LRRC7: variants seen among roughly 807,000 people sequenced by gnomAD.
LRRC7 encodes leucine rich repeat containing 7, also known as leucine-rich repeat-containing protein 7.
In LRRC7, 23 loss-of-function variants were observed where a neutral mutation model predicts 175.7. The observed-to-expected ratio is 0.13, with a 90% confidence interval of 0.09 to 0.19. The LOEUF (loss-of-function observed/expected upper bound fraction) is 0.19, where lower values mean the gene tolerates loss of function less well. Among genes scored for constraint, LRRC7 ranks in the 10% least tolerant of loss-of-function variants. The pLI, the probability that LRRC7 is intolerant of heterozygous loss-of-function variation, is 1.00. For synonymous variants in LRRC7, 685 were observed against 680.9 expected, an observed-to-expected ratio of 1.01 and a Z score of -0.09; for missense variants, 1,354 against 1,904.7, an observed-to-expected ratio of 0.71 and a Z score of 5.38.
intron 1 of LRRC7, among the ~76,000 whole-genome samples, chr1:69,579,788 TAGA>T (rs1346721502): frequency 7.2e-6 from 1 of 139,496 alleles, no homozygotes; most frequent in Non-Finnish European, 1.5e-5. Flanking sequence ...CTCTTTTGAA[TAGA>T]AGCTTTTTTT....
intron 7 of LRRC7, among the ~76,000 whole-genome samples, chr1:69,914,603 A>G (rs948245407): frequency 6.6e-6 from 1 of 152,190 alleles, no homozygotes; most frequent in Admixed American, 6.6e-5. Flanking sequence ...ATAAATAGTT[A>G]TCTAGTGACA....
chr1:69,862,195 C>T (rs371411748), intron 7 of LRRC7, among the ~76,000 whole-genome samples: 4 of 152,014 alleles, frequency 2.6e-5, no homozygotes, highest in South Asian at 2.1e-4. Context: ...CCATCTATGG[C>T]GCAAGATAAT....
At chr1:69,685,472 T>C (rs1661024550) in intron 2 of LRRC7, among the ~76,000 whole-genome samples, 1 of 151,926 alleles carries the variant, frequency 6.6e-6, no homozygotes, top group African/African-American at 2.4e-5. Flanking sequence ...GAGACAATTA[T>C]ATAATCTCTT....
chr1:69,831,091 G>A (rs1469732808), intron 5 of LRRC7, among the ~76,000 whole-genome samples: 1 of 151,862 alleles, frequency 6.6e-6, no homozygotes, highest in East Asian at 1.9e-4. Flanking sequence ...AGTAGACTGA[G>A]AGAAGCTGCA....
rs1276975767 is a variant in LRRC7, at chr1:70,039,055, A to G, written c.3231A>G (p.Ser1077=). 6.8e-6 allele frequency: 11 copies of G among 1,614,150 alleles called. No homozygotes were observed. The highest frequency in any genetic ancestry group is 9.3e-6 in the Non-Finnish European group (11 of 1,180,016). The change falls in exon 21 of 27, where the codon TCA becomes TCG. Residue 1077 remains serine, a synonymous_variant. Transcript: ENST00000651989. ...ACCAAAGCTTCAATCCTCAAGGATCAGTGGAAGTGAAAGCCGAAAAGAGGA... is the reference window on the plus strand; with the variant it reads ...ACCAAAGCTTCAATCCTCAAGGATCGGTGGAAGTGAAAGCCGAAAAGAGGA... The part of the protein sequence containing the change: ...QFDQSFNPQG[S]VEVKAEKRIP...
chr1:70,049,260 T>C (rs1305354048), intron 22 of LRRC7, among the ~76,000 whole-genome samples: 2 of 152,112 alleles, frequency 1.3e-5, no homozygotes, highest in Non-Finnish European at 2.9e-5. Flanking sequence ...GATTTTGAGT[T>C]AGAGAAATTT....
intron 7 of LRRC7, among the ~76,000 whole-genome samples, chr1:69,925,513 C>T (rs1647038841): frequency 6.6e-6 from 1 of 151,964 alleles, no homozygotes; most frequent in African/African-American, 2.4e-5. Context: ...TCAACTTCTT[C>T]CTGGTTTAGT....
At chr1:69,868,701 C>T (rs1422065164) in intron 7 of LRRC7, among the ~76,000 whole-genome samples, 1 of 152,006 alleles carries the variant, frequency 6.6e-6, no homozygotes, top group Non-Finnish European at 1.5e-5. Context: ...GCTAGGACTG[C>T]CATAACAAAG....
At chr1:69,795,375 GAA>G (rs201651394) in intron 4 of LRRC7, among the ~76,000 whole-genome samples, 3 of 135,314 alleles carry the variant, frequency 2.2e-5, no homozygotes, top group Admixed American at 7.4e-5. Flanking sequence ...ACACCGTCTC[GAA>G]AAAAAAAAAA....
At chr1:69,875,242 CT>C in intron 7 of LRRC7, among the ~76,000 whole-genome samples, 1 of 152,066 alleles carries the variant, frequency 6.6e-6, no homozygotes, top group African/African-American at 2.4e-5. Flanking sequence ...ATTATTAAAG[CT>C]TAAAAATCTT....
At chr1:69,854,575 A>G (rs571883254) in intron 7 of LRRC7, among the ~76,000 whole-genome samples, 47 of 152,178 alleles carry the variant, frequency 3.1e-4, no homozygotes, top group Middle Eastern at 3.4e-3. Flanking sequence ...TTTTAAACCA[A>G]CTTACTGAGG....
At chr1:69,914,432 A>C (rs1479442820) in intron 7 of LRRC7, among the ~76,000 whole-genome samples, 1 of 152,328 alleles carries the variant, frequency 6.6e-6, no homozygotes, top group East Asian at 1.9e-4. Context: ...CAATCGGATA[A>C]ATGCTGTAAA....
intron 1 of LRRC7, among the ~76,000 whole-genome samples, chr1:69,667,508 TA>T (rs1351513715): frequency 6.6e-6 from 1 of 152,206 alleles, no homozygotes; most frequent in Non-Finnish European, 1.5e-5. Flanking sequence ...CGTATTTATT[TA>T]AAATTGTTAT....
intron 11 of LRRC7, among the ~76,000 whole-genome samples, chr1:70,001,828 A>G (rs1047913627): frequency 6.6e-6 from 1 of 152,128 alleles, no homozygotes. Context: ...TTGTACTCAC[A>G]GTGTTCCAGA....
intron 1 of LRRC7, among the ~76,000 whole-genome samples, chr1:69,575,540 T>C (rs1405941296): frequency 6.6e-6 from 1 of 152,194 alleles, no homozygotes; most frequent in African/African-American, 2.4e-5. Context: ...ATCTGTTAAG[T>C]ATTCTATTTT....
At chr1:69,934,127 TAA>T (rs1449056847) in intron 8 of LRRC7, among the ~76,000 whole-genome samples, 1 of 152,154 alleles carries the variant, frequency 6.6e-6, no homozygotes, top group African/African-American at 2.4e-5. Flanking sequence ...TTTGCTCTGA[TAA>T]GAGACCTCTA....
chr1:70,018,687 A>G (rs1204202869), intron 14 of LRRC7, 32 bp from the exon 15 acceptor site: 3 of 1,471,934 alleles, frequency 2.0e-6, no homozygotes, highest in African/African-American at 1.4e-5. Flanking sequence ...TTGCAATTGT[A>G]TTCATCTAAT....
At chr1:69,604,013 C>T (rs1316673690) in intron 1 of LRRC7, among the ~76,000 whole-genome samples, 2 of 151,876 alleles carry the variant, frequency 1.3e-5, no homozygotes, top group African/African-American at 4.8e-5. Flanking sequence ...GTAAAAAATT[C>T]GAATATCAAA....
intron 3 of LRRC7, among the ~76,000 whole-genome samples, chr1:69,774,977 G>A (rs574939800): frequency 2.0e-3 from 309 of 152,166 alleles, no homozygotes; most frequent in Middle Eastern, 6.8e-3. Context: ...GAGAGATTGC[G>A]GGATGTGAAG....
Sources: gnomAD v4.1 joint callset for allele counts (sites outside exome capture counted in the v4.1 genomes callset) on GRCh38, gnomAD v4.1.1 for gene constraint, MANE v1.5 for transcripts, NCBI Gene and HGNC (gene_info 2026-07-23, HGNC 2026-07-21) for gene names.